The following RNF13 variants were observed in gnomAD, a reference collection of about 807,000 sequenced individuals.
RNF13 encodes ring finger protein 13.
Under a neutral mutation model 37.7 loss-of-function variants are expected in RNF13, and 19 were observed. The ratio of observed to expected loss-of-function variants is 0.50; its 90% CI spans 0.35 to 0.74. The LOEUF is 0.74. Among genes scored for constraint, RNF13 ranks in the 30% least tolerant of loss-of-function variants. The pLI is 0.01. For synonymous variants in RNF13, 144 were observed against 157.8 expected (o/e 0.91, Z 0.65); for missense variants, 375 against 453.0 (o/e 0.83, Z 1.56).
intron 8 of RNF13, among the ~76,000 whole-genome samples, chr3:149,933,572 T>A (rs1719374927): frequency 6.7e-6 from 1 of 149,252 alleles, no homozygotes; most frequent in African/African-American, 2.4e-5. Context: ...TCTAACAGTT[T>A]CTTTTCTTTC....
intron 4 of RNF13, among the ~76,000 whole-genome samples, chr3:149,875,675 TGAG>T (rs1366872339): frequency 1.3e-5 from 2 of 152,126 alleles, no homozygotes; most frequent in Admixed American, 1.3e-4. Context: ...TGTCTTACCT[TGAG>T]GAGATGCAGC....
At chr3:149,835,382 T>G (rs980194090) in intron 1 of RNF13, among the ~76,000 whole-genome samples, 3 of 152,160 alleles carry the variant, frequency 2.0e-5, no homozygotes, top group Non-Finnish European at 2.9e-5. Flanking sequence ...TTTGTGAGAT[T>G]TTGGTGCATC....
At position 149,852,603 on chromosome 3, in the gene RNF13, CAGTT is replaced by C; in HGVS notation, c.195+8_195+11del. 1.4e-6 allele frequency: 2 copies of C among 1,439,836 alleles called. No homozygotes were observed. Among genetic ancestry groups the C allele is most frequent in the East Asian group, 4.7e-5 (2 of 42,516 alleles). The allele number at this position is 1,439,836 out of a possible 1,614,324, so 89.2% of individuals were successfully genotyped here. A position where few individuals can be genotyped will look rare whatever the true frequency, so the allele number is the denominator to read the frequency against. On this transcript the variant is annotated splice_region_variant and intron_variant, in intron 3 of 9. Coordinates refer to ENST00000392894, the MANE Select transcript of RNF13 (RefSeq NM_183381.3). ...TCCAGCTGAAGGTTTAAAGGTAAGA[CAGTT>C]GGTAATACATTGTAAAGACACAAGG...
At chr3:149,951,587 CT>C (rs1721344314) in intron 8 of RNF13, among the ~76,000 whole-genome samples, 1 of 152,192 alleles carries the variant, frequency 6.6e-6, no homozygotes, top group East Asian at 1.9e-4. Context: ...CAGTCCACCC[CT>C]GCCTCTTTCT....
chr3:149,939,346 G>T, intron 8 of RNF13: 1 of 456,630 alleles, frequency 2.2e-6, no homozygotes. Context: ...ACTTTTTTCT[G>T]TGGAACTTTT....
intron 1 of RNF13, among the ~76,000 whole-genome samples, chr3:149,818,709 C>T (rs949680170): frequency 8.6e-5 from 13 of 151,966 alleles, no homozygotes; most frequent in Non-Finnish European, 1.8e-4. Context: ...GACCAGAGTT[C>T]GAGGCCAGCC....
intron 8 of RNF13, among the ~76,000 whole-genome samples, chr3:149,945,129 A>G (rs1326159896): frequency 1.3e-5 from 2 of 152,002 alleles, no homozygotes; most frequent in Non-Finnish European, 2.9e-5. Context: ...TAGATGTGTG[A>G]TATTATTTCT....
Position 149,846,023 on chromosome 3 carries a change from C to T in RNF13, c.-4C>T, listed in dbSNP as rs780909961. On this transcript the variant is annotated 5_prime_UTR_variant, in exon 2 of 10. In the 5' UTR this introduces an upstream ATG that the reference lacks. Coordinates refer to ENST00000392894, the MANE Select transcript of RNF13 (RefSeq NM_183381.3). ...CCTTGTCTTCCAGGTGATTTTACAA[C>T]GAGATGCTGCTCTCCATAGGGATGC... 5 of 1,596,770 alleles carry T rather than the reference C, an allele frequency of 3.1e-6. No individual in the cohort carries two copies. The highest frequency in any genetic ancestry group is 2.2e-5 in the East Asian group (1 of 44,758).
intron 1 of RNF13, among the ~76,000 whole-genome samples, chr3:149,819,423 T>A (rs897419974): frequency 6.7e-6 from 1 of 150,128 alleles, no homozygotes; most frequent in Non-Finnish European, 1.5e-5. Context: ...TAGACCTTAA[T>A]AATGGATCAT....
intron 4 of RNF13, among the ~76,000 whole-genome samples, chr3:149,879,435 A>G (rs1032845379): frequency 2.0e-5 from 3 of 151,706 alleles, no homozygotes; most frequent in Non-Finnish European, 4.4e-5. Context: ...CAGCCTCCCA[A>G]GTAGCTAGGA....
At chr3:149,844,190 G>C (rs987132309) in intron 1 of RNF13, among the ~76,000 whole-genome samples, 6 of 152,314 alleles carry the variant, frequency 3.9e-5, no homozygotes, top group Admixed American at 3.3e-4. Flanking sequence ...TCCACATTCA[G>C]TGATTCACTA....
At chr3:149,958,435 A>T (rs76704975) in intron 8 of RNF13, among the ~76,000 whole-genome samples, 1 of 152,260 alleles carries the variant, frequency 6.6e-6, no homozygotes, top group Non-Finnish European at 1.5e-5. Context: ...CCCGACTCTG[A>T]ATTTTCCTGC....
intron 8 of RNF13, among the ~76,000 whole-genome samples, chr3:149,947,473 T>TGGCTCACTGCAACCTC (rs912732459): frequency 3.9e-5 from 6 of 151,998 alleles, no homozygotes; most frequent in Non-Finnish European, 8.8e-5. Context: ...GGTGCAATCT[T>TGGCTCACTGCAACCTC]GGCTCACTGC....
intron 6 of RNF13, among the ~76,000 whole-genome samples, chr3:149,909,301 G>C (rs1716740606): frequency 6.9e-6 from 1 of 144,834 alleles, no homozygotes; most frequent in Non-Finnish European, 1.5e-5. Flanking sequence ...TTGAGACAAA[G>C]CCTCACTATG....
At chr3:149,842,128 C>T (rs1722241663) in intron 1 of RNF13, among the ~76,000 whole-genome samples, 2 of 151,940 alleles carry the variant, frequency 1.3e-5, no homozygotes, top group African/African-American at 4.8e-5. Context: ...GTTTTTTAGT[C>T]CTCTTTTCTT....
chr3:149,864,857 A>G (rs984622850), intron 3 of RNF13, among the ~76,000 whole-genome samples: 17 of 152,204 alleles, frequency 1.1e-4, no homozygotes, highest in African/African-American at 3.9e-4. Context: ...ATTATTGATC[A>G]TATTTCCTAG....
At chr3:149,875,206 C>CTA (rs2108447845) in intron 4 of RNF13, among the ~76,000 whole-genome samples, 1 of 152,098 alleles carries the variant, frequency 6.6e-6, no homozygotes, top group East Asian at 1.9e-4. Context: ...TTTTGGCATG[C>CTA]CTCTTATCCA....
intron 4 of RNF13, among the ~76,000 whole-genome samples, chr3:149,883,933 T>C (rs534457826): frequency 3.9e-5 from 6 of 152,320 alleles, no homozygotes; most frequent in Admixed American, 3.3e-4. Context: ...CTCCCACTTA[T>C]AAGTGAGAAC....
intron 1 of RNF13, among the ~76,000 whole-genome samples, chr3:149,844,478 C>T (rs1722458994): frequency 6.6e-6 from 1 of 152,210 alleles, no homozygotes; most frequent in South Asian, 2.1e-4. Context: ...TAGACACTCT[C>T]TGTCTAGCAT....
Sources: allele counts gnomAD v4.1 joint callset (sites outside exome capture counted in the v4.1 genomes callset), GRCh38; gene constraint gnomAD v4.1.1; transcripts MANE v1.5; gene names NCBI Gene and HGNC (gene_info 2026-07-23, HGNC 2026-07-21).